PRDX3: variants seen among roughly 807,000 people sequenced by gnomAD.
The protein encoded by PRDX3 is thioredoxin-dependent peroxide reductase, mitochondrial.
In PRDX3, 20 loss-of-function variants were observed where a neutral mutation model predicts 30.4. The ratio of observed to expected loss-of-function variants is 0.66; its 90% CI spans 0.46 to 0.96. PRDX3 has a LOEUF of 0.96. PRDX3 is among the 40% of genes least tolerant of loss of function. The pLI is 0.00. For missense variants in PRDX3, 322 were observed against 318.3 expected, an observed-to-expected ratio of 1.01 and a Z score of -0.09; for synonymous variants, 124 against 117.8, an observed-to-expected ratio of 1.05 and a Z score of -0.34.
rs1847964845 is a variant in PRDX3, at chr10:119,173,751, TTA to T, written c.431_432del (p.Ile144LysfsTer22). On this transcript the variant is annotated frameshift_variant, in exon 4 of 7. Transcript: ENST00000298510. LOFTEE classifies it high-confidence loss of function. ...VDSHFSHLAW[I>X]NTPRKNGGLG... ...CAATGCCATACCTTTCTTGGTGTAT[TTA>T]TCCAGGCAAGATGGCTAAAGTGGGA... 18 of 1,612,082 alleles carry T rather than the reference TTA, an allele frequency of 1.1e-5. No homozygotes were observed. Among genetic ancestry groups the T allele is most frequent in the Non-Finnish European group, 1.4e-5 (17 of 1,179,916 alleles).
chr10:119,169,306 C>T lies in PRDX3; in HGVS notation c.588G>A (p.Lys196=), dbSNP rs1204053596. ...LFIIDPNGVI[K]HLSVNDLPVG... is the part of the protein sequence containing the mutation. Reference sequence around the variant, plus strand: ...CTGGGAGATCGTTGACGCTCAAATGCTTGATGACTCCATTGGGGTCAATTA... The same window carrying T: ...CTGGGAGATCGTTGACGCTCAAATGTTTGATGACTCCATTGGGGTCAATTA... The change falls in exon 6 of 7, where the codon AAG becomes AAA. Residue 196 remains lysine, a synonymous_variant. Transcript: ENST00000298510. The T allele has an allele frequency of 6.2e-7, 1 of 1,614,096 alleles. No homozygotes were observed. The highest frequency in any genetic ancestry group is 2.2e-5 in the East Asian group (1 of 44,882).
rs1273102095 is a variant in PRDX3 at position 119,169,243 on chromosome 10, C to G, written c.651G>C (p.Lys217Asn). Residue 217 changes from lysine (K) to asparagine (N), a missense_variant, in exon 6 of 7, where the codon AAG becomes AAC. By Grantham distance (94) the Lys-to-Asn change is moderately conservative (BLOSUM62 0). Coordinates refer to ENST00000298510, the MANE Select transcript of PRDX3 (RefSeq NM_006793.5). ...RSVEETLRLV[K>N]AFQYVETHGE... ...CATGTGTTTCTACATACTGGAACGCCTTCACCAAGCGGAGGGTTTCTTCCA... is the reference window on the plus strand; with the variant it reads ...CATGTGTTTCTACATACTGGAACGCGTTCACCAAGCGGAGGGTTTCTTCCA... 5 of 1,613,496 alleles carry G rather than the reference C, an allele frequency of 3.1e-6. No homozygotes were observed. The highest frequency in any genetic ancestry group is 4.2e-6 in the Non-Finnish European group (5 of 1,180,034).
At position 119,175,451 on chromosome 10, in the gene PRDX3, A is replaced by G. The variant is rs959691067; in HGVS notation, c.170-859T>C. 5.3e-5 allele frequency among the ~76,000 whole-genome samples: 8 copies of G among 152,336 alleles called. No homozygotes were observed. In the South Asian group the frequency reaches 8.3e-4, roughly 16 times the overall value. On this transcript the variant is annotated intron_variant, in intron 2 of 6. Transcript: ENST00000298510. ...GCTCTGTTCGCCCAGGCTGGAGTGC[A>G]GTGGCACAATCTCAGCTCACTGCAA...
chr10:119,172,749 C>T (rs936538671), intron 4 of PRDX3, among the ~76,000 whole-genome samples: 1 of 152,042 alleles, frequency 6.6e-6, no homozygotes, highest in Non-Finnish European at 1.5e-5. Context: ...GATTTACACC[C>T]GGCTAATACT....
Position 119,172,476 on chromosome 10 carries a change from A to G in PRDX3, c.457T>C (p.Leu153=). The change falls in exon 5 of 7, where the codon TTG becomes CTG. Residue 153 remains leucine, a synonymous_variant. Transcript: ENST00000298510. Reference sequence around the variant, plus strand: ...AAGAGTGCGATGTTCATGTGGCCCAAACCACCATTCTAATCAAAATGCAAA... The same window carrying G: ...AAGAGTGCGATGTTCATGTGGCCCAGACCACCATTCTAATCAAAATGCAAA... ...WINTPRKNGG[L]GHMNIALLSD... The G allele has an allele frequency of 6.2e-7, 1 of 1,613,654 alleles. No homozygotes were observed.
intron 5 of PRDX3, among the ~76,000 whole-genome samples, chr10:119,171,325 C>T (rs570587096): frequency 6.6e-5 from 10 of 151,996 alleles, no homozygotes; most frequent in African/African-American, 1.4e-4. Context: ...CAGGCCTGAG[C>T]CACCGCGCCC....
intron 2 of PRDX3, among the ~76,000 whole-genome samples, chr10:119,175,552 C>G (rs1003761977): frequency 6.6e-6 from 1 of 152,078 alleles, no homozygotes; most frequent in Non-Finnish European, 1.5e-5. Flanking sequence ...CCCGCCACCC[C>G]GCCCGGCTAA....
Position 119,168,297 on chromosome 10 carries a change from C to A in PRDX3, c.*183G>T. On this transcript the variant is annotated 3_prime_UTR_variant, in exon 7 of 7. Coordinates refer to ENST00000298510, the MANE Select transcript of PRDX3 (RefSeq NM_006793.5). Reference sequence around the variant, plus strand: ...ACCAATAAAGGATTCCTTGTACTAGCAACTAACCATGTTTAAAAGGTCTTA... The same window carrying A: ...ACCAATAAAGGATTCCTTGTACTAGAAACTAACCATGTTTAAAAGGTCTTA... The A allele has an allele frequency of 8.0e-7, 1 of 1,242,744 alleles. No individual in the cohort carries two copies. The allele number at this position is 1,242,744 out of a possible 1,614,324, so 77.0% of individuals were successfully genotyped here.
intron 6 of PRDX3, 132 bp downstream of exon 6, chr10:119,169,045 G>A (rs1847837613): frequency 5.7e-6 from 4 of 701,886 alleles, no homozygotes; most frequent in Non-Finnish European, 6.8e-6. Flanking sequence ...CTACCCCACA[G>A]CAGCTTCACC....
At position 119,174,466 on chromosome 10, in the gene PRDX3, A is replaced by G. The variant is rs1200195082; in HGVS notation, c.296T>C (p.Phe99Ser). 1 of 1,603,940 alleles carries G rather than the reference A, an allele frequency of 6.2e-7. No individual in the cohort carries two copies. The highest frequency in any genetic ancestry group is 1.1e-5 in the South Asian group (1 of 88,896). ...TTACACTTACAAATCCAAAGGATAG[A>G]AGAAAAGCACCAAATATTTCCCCTT... Reference protein sequence around the residue: ...DFKGKYLVLFFYPLDFTFVCP... With the variant: ...DFKGKYLVLFSYPLDFTFVCP... Residue 99 changes from phenylalanine to serine, a missense_variant, in exon 3 of 7, where the codon TTC becomes TCC. Phe to Ser is a radical substitution (Grantham distance 155). Coordinates refer to ENST00000298510, the MANE Select transcript of PRDX3 (RefSeq NM_006793.5).
At chr10:119,174,109 AC>A (rs1478389365) in intron 3 of PRDX3, among the ~76,000 whole-genome samples, 2 of 152,230 alleles carry the variant, frequency 1.3e-5, no homozygotes, top group Non-Finnish European at 2.9e-5. Context: ...AAAAAAAATT[AC>A]AGTTCAATAA....
In PRDX3 at chr10:119,177,161, G is replaced by C. The variant is rs201386060; in HGVS notation, c.37-8C>G. ...ACTCACATGTCGGGCAACCTGGAAA[G>C]AGAAACTTTTTATTAGAAAGTTTTC... On this transcript the variant is annotated splice_polypyrimidine_tract_variant and splice_region_variant and intron_variant, in intron 1 of 6. Coordinates refer to ENST00000298510, the MANE Select transcript of PRDX3 (RefSeq NM_006793.5). 6.2e-7 allele frequency: 1 copy of C among 1,612,490 alleles called. No homozygotes were observed. The highest frequency in any genetic ancestry group is 1.3e-5 in the African/African-American group (1 of 75,000).
chr10:119,172,461 T>A lies in PRDX3; in HGVS notation c.472A>T (p.Ile158Phe), dbSNP rs145660516. The A allele has an allele frequency of 1.9e-6, 3 of 1,614,036 alleles. No homozygotes were observed. The highest frequency in any genetic ancestry group is 1.7e-5 in the Admixed American group (1 of 60,000). ...RKNGGLGHMN[I>F]ALLSDLTKQI... ...TTAGTTAAGTCTGACAAGAGTGCGA[T>A]GTTCATGTGGCCCAAACCACCATTC... Residue 158 changes from isoleucine to phenylalanine, a missense_variant, in exon 5 of 7, where the codon ATC becomes TTC. Transcript: ENST00000298510.
Position 119,174,581 on chromosome 10 carries a change from G to A in PRDX3, c.181C>T (p.His61Tyr). ...AKLFSTSSSC[H>Y]APAVTQHAPY... is the part of the protein sequence containing the mutation. ...GCATGCTGGGTGACAGCAGGTGCAT[G>A]GCATGAGGAACCTGAAAAAAAACCC... Residue 61 changes from histidine to tyrosine, a missense_variant, in exon 3 of 7, where the codon CAT becomes TAT. By Grantham distance (83) the His-to-Tyr change is moderately conservative (BLOSUM62 2). Transcript: ENST00000298510. 6.3e-7 allele frequency: 1 copy of A among 1,589,496 alleles called. No homozygotes were observed. The highest frequency in any genetic ancestry group is 8.5e-7 in the Non-Finnish European group (1 of 1,173,054).
chr10:119,170,406 A>AG (rs1174558918), intron 5 of PRDX3: 5 of 152,126 alleles, frequency 3.3e-5, no homozygotes, highest in Admixed American at 3.3e-4. Context: ...AAAAGTCTTT[A>AG]TCTTATAAGC....
rs144504811 is a variant in PRDX3 at position 119,169,228 on chromosome 10, T to A, written c.666A>T (p.Val222=). Residue 222 remains valine, a synonymous_variant, in exon 6 of 7, where the codon GTA becomes GTT. Coordinates refer to ENST00000298510, the MANE Select transcript of PRDX3 (RefSeq NM_006793.5). ...CTGGGCAGACTTCTCCATGTGTTTCTACATACTGGAACGCCTTCACCAAGC... is the reference window on the plus strand; with the variant it reads ...CTGGGCAGACTTCTCCATGTGTTTCAACATACTGGAACGCCTTCACCAAGC... ...TLRLVKAFQY[V]ETHGEVCPAN... is the part of the protein sequence containing the mutation. The A allele has an allele frequency of 1.2e-5, 20 of 1,613,086 alleles. No homozygotes were observed. In the South Asian group the frequency reaches 2.2e-4, roughly 18 times the overall value.
intron 4 of PRDX3, among the ~76,000 whole-genome samples, chr10:119,173,301 GTAA>G (rs1457534127): frequency 2.6e-5 from 4 of 151,964 alleles, no homozygotes; most frequent in Admixed American, 1.3e-4. Flanking sequence ...ACATGGAAGA[GTAA>G]TAATAAAAAA....
intron 1 of PRDX3, among the ~76,000 whole-genome samples, chr10:119,177,624 T>G (rs1049036121): frequency 1.4e-5 from 2 of 140,122 alleles, no homozygotes; most frequent in Non-Finnish European, 3.0e-5. Flanking sequence ...GCCATTGCAC[T>G]CTAACCTGGG....
intron 1 of PRDX3, among the ~76,000 whole-genome samples, chr10:119,177,644 C>A (rs1848070133): frequency 7.8e-6 from 1 of 128,474 alleles, no homozygotes; most frequent in Non-Finnish European, 1.6e-5. Flanking sequence ...GCGACAACTC[C>A]GTCTCAAAAA....
Sources: allele counts gnomAD v4.1 joint callset (sites outside exome capture counted in the v4.1 genomes callset), GRCh38; gene constraint gnomAD v4.1.1; transcripts MANE v1.5; gene names NCBI Gene and HGNC (gene_info 2026-07-23, HGNC 2026-07-21).